The following DGKI variants were observed in gnomAD, a reference collection of about 807,000 sequenced individuals.
The protein encoded by DGKI is diacylglycerol kinase iota, also known as DAG kinase iota.
In DGKI, 55 loss-of-function variants were observed where a neutral mutation model predicts 147.5. The observed-to-expected ratio is 0.37, with a 90% CI of 0.30 to 0.47. DGKI has a LOEUF of 0.47. DGKI is among the 20% of genes least tolerant of loss of function. The pLI, the probability that DGKI is intolerant of heterozygous loss-of-function variation, is 1.00. For synonymous variants in DGKI, 469 were observed against 477.1 expected (o/e 0.98, Z 0.22); for missense variants, 1,007 against 1,323.8 (o/e 0.76, Z 3.71).
chr7:137,573,823 T>C (rs1249475041), intron 17 of DGKI, among the ~76,000 whole-genome samples: 3 of 152,240 alleles, frequency 2.0e-5, no homozygotes, highest in Non-Finnish European at 4.4e-5. Context: ...CCTGATCTGC[T>C]AGCGCTTTCT....
At chr7:137,586,125 G>A (rs989232582) in intron 13 of DGKI, among the ~76,000 whole-genome samples, 2 of 152,098 alleles carry the variant, frequency 1.3e-5, no homozygotes, top group African/African-American at 2.4e-5. Flanking sequence ...TCTCATATGA[G>A]CAGATAAAAA....
intron 1 of DGKI, among the ~76,000 whole-genome samples, chr7:137,796,019 AAAGT>A (rs1350545436): frequency 2.6e-5 from 4 of 152,220 alleles, no homozygotes. Flanking sequence ...ACAAAAACAA[AAAGT>A]AAGGATATGA....
chr7:137,580,056 C>G (rs907356492), intron 15 of DGKI, among the ~76,000 whole-genome samples: 2 of 152,078 alleles, frequency 1.3e-5, no homozygotes, highest in Admixed American at 1.3e-4. Context: ...AGAAAAACTT[C>G]CGGATAAGTT....
At chr7:137,419,476 A>G (rs1031318538) in intron 28 of DGKI, among the ~76,000 whole-genome samples, 23 of 152,276 alleles carry the variant, frequency 1.5e-4, no homozygotes, top group African/African-American at 5.3e-4. Context: ...ATTCTGTCCA[A>G]TTTTTCTATT....
At chr7:137,821,741 C>T (rs958595017) in intron 1 of DGKI, among the ~76,000 whole-genome samples, 11 of 151,624 alleles carry the variant, frequency 7.3e-5, no homozygotes, top group Non-Finnish European at 1.6e-4. Context: ...GCGAAGTGAG[C>T]TGAATGCAGG....
At chr7:137,694,050 G>T (rs558436640) in intron 1 of DGKI, among the ~76,000 whole-genome samples, 6 of 152,234 alleles carry the variant, frequency 3.9e-5, no homozygotes, top group East Asian at 1.9e-4. Context: ...GGCCGGGCAC[G>T]GTGGCTCACG....
intron 20 of DGKI, among the ~76,000 whole-genome samples, chr7:137,525,163 TTCA>T (rs1307179878): frequency 2.0e-5 from 3 of 152,148 alleles, no homozygotes; most frequent in Non-Finnish European, 2.9e-5. Flanking sequence ...ATGATCTCAG[TTCA>T]TCTCCAGAAT....
intron 1 of DGKI, among the ~76,000 whole-genome samples, chr7:137,778,341 G>T (rs1413772167): frequency 6.6e-6 from 1 of 152,134 alleles, no homozygotes; most frequent in Non-Finnish European, 1.5e-5. Flanking sequence ...AGAGTGCATA[G>T]GATAAGTGAG....
Position 137,838,247 on chromosome 7 carries a change from C to T in DGKI, c.401+8215G>A, listed in dbSNP as rs151331131. ...CTTGATCTCCTGACCTTGTGATCTG[C>T]CTGCCTCAGCCTCCCAAAGTGCTGG... On this transcript the variant is annotated intron_variant, in intron 1 of 32. Transcript: ENST00000614521. Among the ~76,000 whole-genome samples, 14 of 152,134 alleles carry T rather than the reference C, an allele frequency of 9.2e-5. 1 individual carries two copies. In the East Asian group the frequency reaches 2.3e-3, roughly 25 times the overall value.
intron 28 of DGKI, among the ~76,000 whole-genome samples, chr7:137,423,203 A>G (rs1470341918): frequency 6.6e-6 from 1 of 152,194 alleles, no homozygotes; most frequent in Non-Finnish European, 1.5e-5. Flanking sequence ...TTCCCCACAA[A>G]TGAGAGGAAG....
At chr7:137,763,097 G>A (rs1285479842) in intron 1 of DGKI, among the ~76,000 whole-genome samples, 1 of 152,206 alleles carries the variant, frequency 6.6e-6, no homozygotes, top group Non-Finnish European at 1.5e-5. Context: ...GAGTCCACAT[G>A]AGAATTCTCT....
chr7:137,841,883 C>G (rs1249894168), intron 1 of DGKI, among the ~76,000 whole-genome samples: 1 of 152,196 alleles, frequency 6.6e-6, no homozygotes, highest in Non-Finnish European at 1.5e-5. Context: ...CAGCAAAGAC[C>G]TCTCTTCAAC....
chr7:137,650,272 T>C (rs10156007), intron 5 of DGKI, among the ~76,000 whole-genome samples: 1 of 152,034 alleles, frequency 6.6e-6, no homozygotes, highest in African/African-American at 2.4e-5. Context: ...GTGCAATTAA[T>C]TTAGGACAAA....
intron 28 of DGKI, among the ~76,000 whole-genome samples, chr7:137,415,961 G>A (rs746575738): frequency 2.0e-5 from 3 of 151,856 alleles, no homozygotes; most frequent in Non-Finnish European, 4.4e-5. Flanking sequence ...CTGCACTCCA[G>A]CCTGAGCGAC....
intron 20 of DGKI, among the ~76,000 whole-genome samples, chr7:137,534,857 A>C (rs1309335667): frequency 6.6e-6 from 1 of 152,126 alleles, no homozygotes; most frequent in African/African-American, 2.4e-5. Flanking sequence ...ATTTGGAAAC[A>C]GGGTCTTTAC....
chr7:137,540,783 A>C (rs1817670252), intron 20 of DGKI, among the ~76,000 whole-genome samples: 2 of 141,290 alleles, frequency 1.4e-5, no homozygotes, highest in East Asian at 3.9e-4. Context: ...AAAAAAAAAA[A>C]AAAAACATTT....
intron 1 of DGKI, among the ~76,000 whole-genome samples, chr7:137,824,908 C>A (rs1400101402): frequency 4.6e-5 from 7 of 152,218 alleles, no homozygotes; most frequent in Admixed American, 4.6e-4. Context: ...TTTATGGCTG[C>A]ATAGTACTCC....
intron 8 of DGKI, among the ~76,000 whole-genome samples, 197 bp from the exon 9 acceptor site, chr7:137,609,806 T>C (rs1585282704): frequency 6.6e-6 from 1 of 152,054 alleles, no homozygotes; most frequent in African/African-American, 2.4e-5. Flanking sequence ...CGACTGACTC[T>C]CCACCACACG....
rs3046570 is a variant in DGKI at position 137,406,930 on chromosome 7, C to CAAAAAAAA, written c.2920+937_2920+944dup. On this transcript the variant is annotated intron_variant, in intron 30 of 32. Coordinates refer to ENST00000614521, the MANE Select transcript of DGKI (RefSeq NM_001321708.2). ...GGAATAAGACATACTTGCTGAATTG[C>CAAAAAAAA]AAAAAAAAAAAAAAAAAAGGAGCAA... 3.8e-3 allele frequency among the ~76,000 whole-genome samples: 355 copies of CAAAAAAAA among 92,346 alleles called. 5 individuals are homozygous for CAAAAAAAA. Among genetic ancestry groups the CAAAAAAAA allele is most frequent in the African/African-American group, 9.5e-3 (220 of 23,272 alleles). The allele number at this position is 92,346 out of a possible 152,430, so 60.6% of individuals were successfully genotyped here.
Sources: gnomAD v4.1 joint callset for allele counts (sites outside exome capture counted in the v4.1 genomes callset) on GRCh38, gnomAD v4.1.1 for gene constraint, MANE v1.5 for transcripts, NCBI Gene and HGNC (gene_info 2026-07-23, HGNC 2026-07-21) for gene names.